LRFN5: variants seen among roughly 807,000 people sequenced by gnomAD.
LRFN5 encodes leucine rich repeat and fibronectin type III domain containing 5.
A neutral mutation model predicts 45.6 loss-of-function variants in LRFN5; 24 were observed. The ratio of observed to expected loss-of-function variants is 0.53; its 90% CI spans 0.38 to 0.74. The LOEUF (loss-of-function observed/expected upper bound fraction) is 0.74. Among genes scored for constraint, LRFN5 ranks in the 30% least tolerant of loss-of-function variants. The pLI is 0.00. For missense variants in LRFN5, 776 were observed against 861.5 expected, an observed-to-expected ratio of 0.90 and a Z score of 1.24; for synonymous variants, 340 against 313.8, an observed-to-expected ratio of 1.08 and a Z score of -0.88.
At chr14:41,782,453 C>T (rs537193485) in intron 2 of LRFN5, among the ~76,000 whole-genome samples, 1 of 152,136 alleles carries the variant, frequency 6.6e-6, no homozygotes, top group East Asian at 1.9e-4. Flanking sequence ...TTTTTTAGAG[C>T]CCTTAACATA....
At chr14:41,815,498 G>A (rs1230890071) in intron 2 of LRFN5, among the ~76,000 whole-genome samples, 1 of 152,124 alleles carries the variant, frequency 6.6e-6, no homozygotes, top group African/African-American at 2.4e-5. Context: ...AGTGCTTTGG[G>A]AAGTTGAGGC....
intron 1 of LRFN5, among the ~76,000 whole-genome samples, chr14:41,674,388 C>A (rs1289014822): frequency 7.4e-6 from 1 of 134,488 alleles, no homozygotes; most frequent in Non-Finnish European, 1.6e-5. Flanking sequence ...CTGACCCCCC[C>A]ACCTCCCTCC....
intron 1 of LRFN5, among the ~76,000 whole-genome samples, chr14:41,734,584 C>T (rs1884344389): frequency 6.7e-6 from 1 of 149,894 alleles, no homozygotes. Context: ...AAGCAGTATA[C>T]AATGGAGTCT....
intron 2 of LRFN5, among the ~76,000 whole-genome samples, chr14:41,802,715 A>C (rs1887379714): frequency 1.3e-5 from 2 of 152,174 alleles, no homozygotes; most frequent in South Asian, 4.1e-4. Flanking sequence ...AATCATAGTA[A>C]AGATGACATT....
intron 1 of LRFN5, among the ~76,000 whole-genome samples, chr14:41,707,175 A>T (rs1883101623): frequency 1.3e-5 from 2 of 152,228 alleles, no homozygotes; most frequent in Non-Finnish European, 1.5e-5. Flanking sequence ...GGCCTGCCTT[A>T]AATGCAATTT....
intron 1 of LRFN5, among the ~76,000 whole-genome samples, chr14:41,657,218 A>T (rs1566606690): frequency 6.6e-6 from 1 of 151,978 alleles, no homozygotes; most frequent in Non-Finnish European, 1.5e-5. Context: ...TAGCAGAAAA[A>T]AGTTGATATT....
rs1881202350 is a variant in LRFN5 at position 41,671,349 on chromosome 14, CTT to C, written c.-197+62789_-197+62790del. The stretch of plus-strand genomic sequence containing the variant: ...AAGGGCAACACACTAATATTTTCCT[CTT>C]TAAAATATTTTACCCCATTCCTAAC... On this transcript the variant is annotated intron_variant, in intron 1 of 5. Coordinates refer to ENST00000298119, the MANE Select transcript of LRFN5 (RefSeq NM_152447.5). 2.0e-5 allele frequency among the ~76,000 whole-genome samples: 3 copies of C among 152,208 alleles called. No individual in the cohort carries two copies. The South Asian group carries it at 6.2e-4, about 31-fold the overall frequency.
rs1881502246 is a variant in LRFN5, at chr14:41,674,689, C to T, written c.-197+66127C>T. 2.0e-5 allele frequency among the ~76,000 whole-genome samples: 3 copies of T among 151,100 alleles called. No individual in the cohort carries two copies. In the South Asian group the frequency reaches 6.6e-4, roughly 33 times the overall value. Reference sequence around the variant, plus strand: ...CCTCCCTCCCGGATGGGACGGCTGGCTGGGCGGGGGGCTGACCCCCCTACC... The same window carrying T: ...CCTCCCTCCCGGATGGGACGGCTGGTTGGGCGGGGGGCTGACCCCCCTACC... On this transcript the variant is annotated intron_variant, in intron 1 of 5. Coordinates refer to ENST00000298119, the MANE Select transcript of LRFN5 (RefSeq NM_152447.5).
At chr14:41,666,754 G>A (rs1880918590) in intron 1 of LRFN5, among the ~76,000 whole-genome samples, 1 of 151,996 alleles carries the variant, frequency 6.6e-6, no homozygotes. Flanking sequence ...AAGTTCTTTG[G>A]ATGAGCTCTT....
At chr14:41,818,129 C>G (rs567048711) in intron 2 of LRFN5, among the ~76,000 whole-genome samples, 3 of 152,124 alleles carry the variant, frequency 2.0e-5, no homozygotes, top group East Asian at 3.9e-4. Flanking sequence ...TTCAAAAAAT[C>G]ATGCTAACTG....
At chr14:41,878,520 T>C (rs549269597) in intron 2 of LRFN5, among the ~76,000 whole-genome samples, 5 of 152,276 alleles carry the variant, frequency 3.3e-5, no homozygotes, top group African/African-American at 9.6e-5. Context: ...GACAGAAAGA[T>C]GGATGTAGTA....
intron 1 of LRFN5, among the ~76,000 whole-genome samples, chr14:41,705,901 T>A (rs1883044584): frequency 6.6e-6 from 1 of 152,176 alleles, no homozygotes; most frequent in African/African-American, 2.4e-5. Flanking sequence ...AAACTTGTGT[T>A]CAACGTATAC....
chr14:41,826,948 AAATAAGTAATTATTTTGATTCACAT>A, intron 2 of LRFN5, among the ~76,000 whole-genome samples: 1 of 151,276 alleles, frequency 6.6e-6, no homozygotes, highest in African/African-American at 2.4e-5. Flanking sequence ...TTGATTCACA[AAATAAGTAATTATTTTGATTCACAT>A]TGAGTAAAAC....
At chr14:41,700,953 T>C (rs1022133593) in intron 1 of LRFN5, 2 of 152,094 alleles carry the variant, frequency 1.3e-5, no homozygotes, top group African/African-American at 4.8e-5. Context: ...GCTTATTAAA[T>C]AAGAAAACTT....
intron 2 of LRFN5, among the ~76,000 whole-genome samples, chr14:41,778,902 T>A (rs1010383016): frequency 1.1e-4 from 16 of 151,964 alleles, no homozygotes; most frequent in African/African-American, 3.4e-4. Flanking sequence ...GGAGTTTTTT[T>A]AATCAGTTCT....
intron 2 of LRFN5, among the ~76,000 whole-genome samples, chr14:41,813,154 A>G (rs556441728): frequency 1.2e-4 from 18 of 152,248 alleles, no homozygotes; most frequent in African/African-American, 4.3e-4. Context: ...ATCTGTTTTC[A>G]ACTAACTACA....
intron 1 of LRFN5, among the ~76,000 whole-genome samples, chr14:41,764,582 G>A (rs1885801389): frequency 6.6e-6 from 1 of 151,932 alleles, no homozygotes; most frequent in Non-Finnish European, 1.5e-5. Flanking sequence ...ATGTTTTAGG[G>A]GGAGTTAGGA....
chr14:41,818,287 C>G (rs979045247), intron 2 of LRFN5, among the ~76,000 whole-genome samples: 1 of 151,812 alleles, frequency 6.6e-6, no homozygotes, highest in African/African-American at 2.4e-5. Flanking sequence ...ATTCATGGTA[C>G]TATTTTTTCC....
At chr14:41,856,625 T>C (rs1889462443) in intron 2 of LRFN5, among the ~76,000 whole-genome samples, 1 of 150,150 alleles carries the variant, frequency 6.7e-6, no homozygotes, top group East Asian at 1.9e-4. Flanking sequence ...TTGCCGAGTT[T>C]TGTTAGTGAG....
Sources: allele counts gnomAD v4.1 joint callset (sites outside exome capture counted in the v4.1 genomes callset), GRCh38; gene constraint gnomAD v4.1.1; transcripts MANE v1.5; gene names NCBI Gene and HGNC (gene_info 2026-07-23, HGNC 2026-07-21).